Variants in NUDC observed in about 807,000 individuals in gnomAD.
The protein encoded by NUDC is nuclear distribution C, dynein complex regulator.
NUDC carries 14 observed loss-of-function variants against 45.0 expected under a neutral mutation model. The observed-to-expected ratio is 0.31, with a 90% confidence interval of 0.21 to 0.49. The LOEUF (loss-of-function observed/expected upper bound fraction) is 0.49, where lower values mean the gene tolerates loss of function less well. Ranked by LOEUF, NUDC falls within the 20% of genes least tolerant of loss-of-function variation. NUDC has a pLI of 0.99. For missense variants in NUDC, 323 were observed against 426.2 expected (o/e 0.76, Z 2.13); for synonymous variants, 153 against 156.7 (o/e 0.98, Z 0.17).
intron 2 of NUDC, among the ~76,000 whole-genome samples, chr1:26,936,382 GT>G (rs1353670508): frequency 6.6e-6 from 1 of 150,494 alleles, no homozygotes; most frequent in Admixed American, 6.7e-5. Flanking sequence ...TAGAGACAGG[GT>G]TTCTCCAAGT....
At chr1:26,913,665 C>A in intron 3 of NUDC, 1 of 1,613,686 alleles carries the variant, frequency 6.2e-7, no homozygotes, top group Non-Finnish European at 8.5e-7. Context: ...AGAGGGGGCC[C>A]CAGCAACCCT....
chr1:26,926,672 C>A (rs1557673207), intron 2 of NUDC, among the ~76,000 whole-genome samples: 1 of 152,030 alleles, frequency 6.6e-6, no homozygotes, highest in Non-Finnish European at 1.5e-5. Context: ...CGATCTCAGC[C>A]CACTGCAACT....
At chr1:26,903,100 G>GT (rs1158527468) in intron 2 of NUDC, among the ~76,000 whole-genome samples, 1 of 151,902 alleles carries the variant, frequency 6.6e-6, no homozygotes, top group Non-Finnish European at 1.5e-5. Flanking sequence ...GCCTGGATTT[G>GT]TTTTTTATTT....
intron 2 of NUDC, among the ~76,000 whole-genome samples, chr1:26,933,169 C>T (rs975042870): frequency 1.3e-5 from 2 of 151,454 alleles, no homozygotes; most frequent in East Asian, 2.0e-4. Context: ...CTCCTGACTT[C>T]GTGATCTGCC....
At chr1:26,930,459 T>C (rs2082171497) in intron 2 of NUDC, among the ~76,000 whole-genome samples, 1 of 152,178 alleles carries the variant, frequency 6.6e-6, no homozygotes, top group South Asian at 2.1e-4. Flanking sequence ...CTCTTTTGTT[T>C]TTTAAAAAAA....
chr1:26,910,878 G>A (rs2082022460), intron 2 of NUDC, among the ~76,000 whole-genome samples: 1 of 152,246 alleles, frequency 6.6e-6, no homozygotes. Flanking sequence ...GGGAATGTCT[G>A]GGAGGAGAAT....
At chr1:26,923,729 C>T (rs184945345) in intron 1 of NUDC, among the ~76,000 whole-genome samples, 2 of 152,218 alleles carry the variant, frequency 1.3e-5, no homozygotes, top group African/African-American at 2.4e-5. Flanking sequence ...ACCTGAGCCT[C>T]CTGAAGTACT....
chr1:26,923,444 C>T (rs1433215968), intron 1 of NUDC, among the ~76,000 whole-genome samples: 1 of 152,138 alleles, frequency 6.6e-6, no homozygotes, highest in Non-Finnish European at 1.5e-5. Flanking sequence ...CATTTGCTCT[C>T]CTCCTTCTTG....
chr1:26,932,243 C>T (rs2082189680), intron 2 of NUDC, among the ~76,000 whole-genome samples: 1 of 151,256 alleles, frequency 6.6e-6, no homozygotes, highest in African/African-American at 2.4e-5. Context: ...GTGGTGTGAC[C>T]TTGGCTCACT....
At chr1:26,915,058 C>T (rs12734250) in intron 3 of NUDC, among the ~76,000 whole-genome samples, 34 of 140,532 alleles carry the variant, frequency 2.4e-4, no homozygotes, top group South Asian at 4.5e-4. Flanking sequence ...TACATACATA[C>T]ATATATATAT....
chr1:26,941,667 G>T lies in NUDC; in HGVS notation c.363+7G>T. The T allele has an allele frequency of 1.2e-6, 2 of 1,612,460 alleles. No individual in the cohort carries two copies. Among genetic ancestry groups the T allele is most frequent in the Non-Finnish European group, 1.7e-6 (2 of 1,179,264 alleles). ...GCAGCTAGAGATTGACCAGGTGAAG[G>T]GTGGGCTTCCCTTCTCCACCCCTCA... On this transcript the variant is annotated splice_region_variant and intron_variant, in intron 3 of 8. Transcript: ENST00000321265.
chr1:26,940,430 C>T (rs1207173506), intron 2 of NUDC, among the ~76,000 whole-genome samples: 1 of 150,748 alleles, frequency 6.6e-6, no homozygotes, highest in Admixed American at 6.6e-5. Context: ...GAGCCAAGAT[C>T]ACGCCACTGC....
At chr1:26,940,308 C>T (rs2124134789) in intron 2 of NUDC, among the ~76,000 whole-genome samples, 2 of 152,156 alleles carry the variant, frequency 1.3e-5, no homozygotes, top group Non-Finnish European at 2.9e-5. Flanking sequence ...GAAACCCCAT[C>T]TCTACTAAAA....
chr1:26,936,495 T>C (rs905230486), intron 2 of NUDC, among the ~76,000 whole-genome samples: 2 of 151,442 alleles, frequency 1.3e-5, no homozygotes, highest in African/African-American at 4.9e-5. Context: ...CAGCCTAATT[T>C]TTGTATTTTT....
intron 8 of NUDC, among the ~76,000 whole-genome samples, 190 bp from the exon 9 acceptor site, chr1:26,945,940 C>T (rs1386700127): frequency 1.3e-5 from 2 of 152,116 alleles, no homozygotes; most frequent in African/African-American, 4.8e-5. Context: ...GAAAACAATG[C>T]CAGTGTTGGT....
chr1:26,914,039 A>C (rs1271763503), intron 3 of NUDC: 15 of 969,176 alleles, frequency 1.5e-5, no homozygotes, highest in Non-Finnish European at 1.9e-5. Flanking sequence ...GAATGGCCCA[A>C]CAACCTTGAC....
At chr1:26,930,693 A>C (rs2082175885) in intron 2 of NUDC, among the ~76,000 whole-genome samples, 1 of 149,404 alleles carries the variant, frequency 6.7e-6, no homozygotes, top group Admixed American at 6.7e-5. Context: ...CCTGGGCAAC[A>C]GAGCTAAACC....
rs2082318212 is a variant in NUDC, at chr1:26,946,411, T to C, written c.*230T>C. The C allele has an allele frequency of 1.8e-6, 1 of 564,420 alleles. No homozygotes were observed. Among genetic ancestry groups the C allele is most frequent in the Non-Finnish European group, 3.2e-6 (1 of 313,590 alleles). The allele number at this position is 564,420 out of a possible 1,614,324, so 35.0% of individuals were successfully genotyped here. ...TTTGCCCAGCTCCTTCTGTGTCCTC[T>C]CTTGCCTCTGGCCTTTCTCTGGGGC... is the stretch of plus-strand genomic sequence containing the variant. On this transcript the variant is annotated 3_prime_UTR_variant, in exon 9 of 9. Coordinates refer to ENST00000321265, the MANE Select transcript of NUDC (RefSeq NM_006600.4).
At chr1:26,901,115 C>T (rs1268124967) in intron 1 of NUDC, among the ~76,000 whole-genome samples, 6 of 152,076 alleles carry the variant, frequency 3.9e-5, no homozygotes, top group Non-Finnish European at 7.4e-5. Flanking sequence ...AAACAATTGG[C>T]GTTATCTAGT....
Sources: allele counts gnomAD v4.1 joint callset (sites outside exome capture counted in the v4.1 genomes callset), GRCh38; gene constraint gnomAD v4.1.1; transcripts MANE v1.5; gene names NCBI Gene and HGNC (gene_info 2026-07-23, HGNC 2026-07-21).